ARID3B: variants seen among roughly 807,000 people sequenced by gnomAD.
The protein encoded by ARID3B is AT-rich interaction domain 3B, also known as AT-rich interactive domain-containing protein 3B.
Under a neutral mutation model 51.9 loss-of-function variants are expected in ARID3B, and 10 were observed. The observed-to-expected ratio is 0.19, with a 90% CI of 0.12 to 0.33. The LOEUF (loss-of-function observed/expected upper bound fraction) is 0.33. Among genes scored for constraint, ARID3B ranks in the 10% least tolerant of loss-of-function variants. The pLI, the probability that ARID3B is intolerant of heterozygous loss-of-function variation, is 1.00. For missense variants in ARID3B, 483 were observed against 716.3 expected (o/e 0.67, Z 3.72); for synonymous variants, 205 against 279.5 (o/e 0.73, Z 2.66).
chr15:74,576,045 C>T (rs771120427), intron 4 of ARID3B, among the ~76,000 whole-genome samples: 13 of 152,162 alleles, frequency 8.5e-5, no homozygotes, highest in Non-Finnish European at 1.8e-4. Context: ...TATAGGTAGG[C>T]ACCACCATGC....
chr15:74,570,627 T>G (rs375766295), intron 2 of ARID3B, among the ~76,000 whole-genome samples: 1 of 152,146 alleles, frequency 6.6e-6, no homozygotes, highest in Admixed American at 6.5e-5. Flanking sequence ...GAAGCGGCAA[T>G]GATCCCCCAT....
chr15:74,594,123 C>T (rs564320098), intron 8 of ARID3B, among the ~76,000 whole-genome samples: 57 of 152,094 alleles, frequency 3.7e-4, no homozygotes, highest in Middle Eastern at 3.4e-3. Context: ...GGTTTACGGA[C>T]GAGCTTGGGA....
chr15:74,584,842 G>T (rs1171530988), intron 4 of ARID3B, among the ~76,000 whole-genome samples: 2 of 152,190 alleles, frequency 1.3e-5, no homozygotes, highest in Non-Finnish European at 2.9e-5. Context: ...ACCAACAAGG[G>T]TTAAAGCCCC....
chr15:74,584,567 T>C (rs1567125494), intron 4 of ARID3B, among the ~76,000 whole-genome samples: 1 of 152,216 alleles, frequency 6.6e-6, no homozygotes, highest in Admixed American at 6.5e-5. Context: ...TGTTTGCTTC[T>C]GGACTTCCCT....
chr15:74,551,887 A>G (rs929584887), intron 2 of ARID3B, among the ~76,000 whole-genome samples: 1 of 151,870 alleles, frequency 6.6e-6, no homozygotes, highest in African/African-American at 2.4e-5. Flanking sequence ...TGTTTCTTCC[A>G]TGTCCCTGAA....
chr15:74,559,118 C>T (rs1219572041), intron 2 of ARID3B, among the ~76,000 whole-genome samples: 2 of 152,186 alleles, frequency 1.3e-5, no homozygotes, highest in African/African-American at 2.4e-5. Flanking sequence ...ACAGCCTGGA[C>T]TCCCTTCTCT....
intron 2 of ARID3B, among the ~76,000 whole-genome samples, chr15:74,570,450 T>A (rs1157483615): frequency 9.2e-6 from 1 of 108,782 alleles, no homozygotes; most frequent in Admixed American, 1.2e-4. Flanking sequence ...GCTTGGAAGT[T>A]ACTATAATTA....
At chr15:74,566,426 C>T (rs1230691804) in intron 2 of ARID3B, among the ~76,000 whole-genome samples, 5 of 151,832 alleles carry the variant, frequency 3.3e-5, no homozygotes, top group African/African-American at 9.7e-5. Context: ...ATGGTAAAAC[C>T]CGTCTCTACT....
At chr15:74,558,887 A>T (rs1049202054) in intron 2 of ARID3B, among the ~76,000 whole-genome samples, 4 of 152,096 alleles carry the variant, frequency 2.6e-5, no homozygotes, top group African/African-American at 9.7e-5. Context: ...GCACAAGTTT[A>T]GCTCGTTGCA....
intron 8 of ARID3B, among the ~76,000 whole-genome samples, chr15:74,594,325 G>C (rs902750731): frequency 2.0e-5 from 3 of 152,166 alleles, no homozygotes; most frequent in Non-Finnish European, 4.4e-5. Context: ...GCGGGTGCCT[G>C]TAGTCCCAGC....
chr15:74,588,997 C>T (rs2061792455), intron 4 of ARID3B, among the ~76,000 whole-genome samples: 2 of 147,130 alleles, frequency 1.4e-5, no homozygotes, highest in African/African-American at 5.1e-5. Flanking sequence ...GAGGAGAAAG[C>T]AGGCATGTGC....
Position 74,591,908 on chromosome 15 carries a change from T to TA in ARID3B, c.1420+95dup. 6.5e-7 allele frequency: 1 copy of TA among 1,535,664 alleles called. No homozygotes were observed. The highest frequency in any genetic ancestry group is 8.8e-7 in the Non-Finnish European group (1 of 1,136,604). ...GGTGGGGCAGGGGTGGTGAGGCACA[T>TA]ACTCCTGACCTGGAAGAGGCCCCTC... On this transcript the variant is annotated intron_variant, in intron 7 of 8. Transcript: ENST00000346246. This position sits in a 1 kb window ranked among gnomAD's most constrained non-coding sequence, Gnocchi z 5.8.
At position 74,573,300 on chromosome 15, in the gene ARID3B, T is replaced by G. The variant is rs762961531; in HGVS notation, c.697+96T>G. 27 of 1,345,944 alleles carry G rather than the reference T, an allele frequency of 2.0e-5. No individual in the cohort carries two copies. In the African/African-American group the frequency reaches 3.9e-4, roughly 19 times the overall value. 83.4% of individuals were successfully genotyped at this position (1,345,944 alleles called of 1,614,324 possible). A position where few individuals can be genotyped will look rare whatever the true frequency, so the allele number is the denominator to read the frequency against. The stretch of plus-strand genomic sequence containing the variant: ...GTTAGACATCCTGGCCCACTAATCC[T>G]CATCCAGGAGGAGAAGAGGCATTTA... On this transcript the variant is annotated intron_variant, in intron 4 of 8. Coordinates refer to ENST00000346246, the MANE Select transcript of ARID3B (RefSeq NM_006465.4).
chr15:74,569,363 T>TA (rs2061711353), intron 2 of ARID3B, among the ~76,000 whole-genome samples: 2 of 152,012 alleles, frequency 1.3e-5, no homozygotes, highest in Non-Finnish European at 2.9e-5. Flanking sequence ...TTATTATTAT[T>TA]TTTGGTAGAG....
chr15:74,577,588 A>C (rs2061742601), intron 4 of ARID3B, among the ~76,000 whole-genome samples: 1 of 151,910 alleles, frequency 6.6e-6, no homozygotes, highest in Non-Finnish European at 1.5e-5. Flanking sequence ...TGGCGCAATC[A>C]TGGCTCATCG....
chr15:74,541,885 G>A (rs975787087), intron 1 of ARID3B, among the ~76,000 whole-genome samples: 10 of 152,142 alleles, frequency 6.6e-5, no homozygotes, highest in African/African-American at 2.4e-4. Context: ...GGATGAAGAG[G>A]TTTAGATTTG....
intron 2 of ARID3B, among the ~76,000 whole-genome samples, chr15:74,551,352 T>G (rs566316763): frequency 6.6e-6 from 1 of 152,372 alleles, no homozygotes; most frequent in African/African-American, 2.4e-5. Flanking sequence ...ATGGCGCTTC[T>G]GAAGCTGTAT....
At chr15:74,567,192 C>A (rs2061702394) in intron 2 of ARID3B, among the ~76,000 whole-genome samples, 1 of 152,194 alleles carries the variant, frequency 6.6e-6, no homozygotes, top group African/African-American at 2.4e-5. Context: ...TTCAGACTTT[C>A]TGTCCTTATA....
intron 4 of ARID3B, among the ~76,000 whole-genome samples, chr15:74,588,061 G>A (rs1178112156): frequency 1.3e-5 from 2 of 152,056 alleles, no homozygotes; most frequent in Admixed American, 6.5e-5. Flanking sequence ...GGCAACATAG[G>A]AAGATCCTGT....
Sources: allele counts gnomAD v4.1 joint callset (sites outside exome capture counted in the v4.1 genomes callset), GRCh38; gene constraint gnomAD v4.1.1; non-coding constraint Gnocchi (gnomAD v3.1); transcripts MANE v1.5; gene names NCBI Gene and HGNC (gene_info 2026-07-23, HGNC 2026-07-21).